Variants in PLPPR5 observed in about 807,000 individuals in gnomAD.
PLPPR5 encodes the protein phospholipid phosphatase-related protein type 5.
In PLPPR5, 16 loss-of-function variants were observed where a neutral mutation model predicts 33.9. The observed-to-expected ratio is 0.47, with a 90% CI of 0.32 to 0.72. The LOEUF is 0.72. PLPPR5 is among the 30% of genes least tolerant of loss of function. The pLI is 0.03. For synonymous variants in PLPPR5, 163 were observed against 150.3 expected, an observed-to-expected ratio of 1.08 and a Z score of -0.62; for missense variants, 301 against 406.7, an observed-to-expected ratio of 0.74 and a Z score of 2.23.
chr1:98,900,351 T>A (rs1648651863), intron 5 of PLPPR5, among the ~76,000 whole-genome samples: 1 of 152,036 alleles, frequency 6.6e-6, no homozygotes, highest in African/African-American at 2.4e-5. Flanking sequence ...GTCCTGAAGA[T>A]CTCCCCTAAG....
At chr1:98,990,540 T>C (rs1202805191) in intron 1 of PLPPR5, among the ~76,000 whole-genome samples, 1 of 152,198 alleles carries the variant, frequency 6.6e-6, no homozygotes, top group Non-Finnish European at 1.5e-5. Flanking sequence ...ATGTTAAAGA[T>C]TTTTAAAACA....
Position 98,892,852 on chromosome 1 carries a change from T to C in PLPPR5, c.*220A>G, listed in dbSNP as rs1436565106. On this transcript the variant is annotated 3_prime_UTR_variant, in exon 6 of 6. Coordinates refer to ENST00000263177, the MANE Select transcript of PLPPR5 (RefSeq NM_001037317.2). ...TGAACACCTACTTTGTGCTAGGCTTTGTTGTAAGTGCTGGGGACACAGAAA... is the reference window on the plus strand; with the variant it reads ...TGAACACCTACTTTGTGCTAGGCTTCGTTGTAAGTGCTGGGGACACAGAAA... 2.1e-6 allele frequency: 1 copy of C among 472,874 alleles called. No individual in the cohort carries two copies. The highest frequency in any genetic ancestry group is 3.5e-5 in the South Asian group (1 of 28,274). 29.3% of individuals were successfully genotyped at this position (472,874 alleles called of 1,614,324 possible). A position where few individuals can be genotyped will look rare whatever the true frequency, so the allele number is the denominator to read the frequency against.
intron 5 of PLPPR5, among the ~76,000 whole-genome samples, chr1:98,912,967 GCTATTCTGGAATTCCTATAGTAA>G (rs1649208183): frequency 6.6e-6 from 1 of 151,994 alleles, no homozygotes; most frequent in Non-Finnish European, 1.5e-5. Flanking sequence ...TAATTATTTA[GCTATTCTGGAATTCCTATAGTAA>G]AAGGAAATTT....
chr1:98,932,122 T>A (rs1649998561), intron 3 of PLPPR5, among the ~76,000 whole-genome samples: 1 of 152,200 alleles, frequency 6.6e-6, no homozygotes, highest in South Asian at 2.1e-4. Flanking sequence ...GCAGGAAATC[T>A]ATAGTTCCAC....
intron 4 of PLPPR5, among the ~76,000 whole-genome samples, chr1:98,919,441 C>T (rs1448638966): frequency 2.0e-5 from 3 of 152,138 alleles, no homozygotes; most frequent in African/African-American, 7.2e-5. Flanking sequence ...GCACACACTG[C>T]AAGATAATTA....
intron 5 of PLPPR5, among the ~76,000 whole-genome samples, chr1:98,905,744 T>C (rs1015289885): frequency 4.6e-5 from 7 of 152,322 alleles, no homozygotes; most frequent in African/African-American, 1.7e-4. Context: ...AATTCATTCA[T>C]ATCCTAATTT....
chr1:98,924,967 T>C (rs1175697791), intron 3 of PLPPR5, among the ~76,000 whole-genome samples: 1 of 152,184 alleles, frequency 6.6e-6, no homozygotes, highest in Admixed American at 6.5e-5. Context: ...ATGCACAAAT[T>C]TTTCTGCAGA....
chr1:98,933,197 A>ATTT (rs1557674461), intron 3 of PLPPR5, among the ~76,000 whole-genome samples: 1 of 151,476 alleles, frequency 6.6e-6, no homozygotes. Flanking sequence ...GCTTTTTAAA[A>ATTT]AAAAAAAAAA....
At chr1:98,917,281 T>C (rs937021311) in intron 4 of PLPPR5, among the ~76,000 whole-genome samples, 4 of 152,212 alleles carry the variant, frequency 2.6e-5, no homozygotes, top group African/African-American at 9.7e-5. Context: ...TACCTAAATA[T>C]CTTGATTTCT....
intron 1 of PLPPR5, among the ~76,000 whole-genome samples, chr1:98,999,206 T>G (rs1652737989): frequency 6.6e-6 from 1 of 152,190 alleles, no homozygotes; most frequent in African/African-American, 2.4e-5. Context: ...GTTTCCTGAT[T>G]AATCAACACA....
At chr1:98,967,487 C>G (rs1324748956) in intron 1 of PLPPR5, among the ~76,000 whole-genome samples, 1 of 152,124 alleles carries the variant, frequency 6.6e-6, no homozygotes, top group Non-Finnish European at 1.5e-5. Context: ...TAAGTGATAA[C>G]TGACAACTGA....
intron 3 of PLPPR5, among the ~76,000 whole-genome samples, chr1:98,934,462 A>G (rs1300642387): frequency 6.6e-6 from 1 of 152,150 alleles, no homozygotes; most frequent in African/African-American, 2.4e-5. Flanking sequence ...AGTGTACAGA[A>G]TACATTCATT....
At chr1:98,894,193 G>A (rs1219132057) in intron 5 of PLPPR5, among the ~76,000 whole-genome samples, 1 of 151,984 alleles carries the variant, frequency 6.6e-6, no homozygotes, top group African/African-American at 2.4e-5. Flanking sequence ...AGTGAGCAGA[G>A]CATGCTGAGT....
At chr1:98,914,143 A>C (rs894952755) in intron 5 of PLPPR5, among the ~76,000 whole-genome samples, 7 of 152,204 alleles carry the variant, frequency 4.6e-5, no homozygotes, top group African/African-American at 1.7e-4. Flanking sequence ...TTTTGTAAAA[A>C]ATGCATATAT....
intron 5 of PLPPR5, among the ~76,000 whole-genome samples, chr1:98,911,246 G>T (rs558098696): frequency 6.6e-6 from 1 of 152,320 alleles, no homozygotes; most frequent in African/African-American, 2.4e-5. Flanking sequence ...GCTCAGCAGG[G>T]TGTGGTGCCA....
chr1:98,935,202 C>G (rs990983612), intron 3 of PLPPR5, among the ~76,000 whole-genome samples: 2 of 152,172 alleles, frequency 1.3e-5, no homozygotes, highest in African/African-American at 4.8e-5. Flanking sequence ...AAGCCAAGTG[C>G]TGGAGACAGG....
At chr1:98,951,884 A>G (rs1650797674) in intron 3 of PLPPR5, among the ~76,000 whole-genome samples, 2 of 152,164 alleles carry the variant, frequency 1.3e-5, no homozygotes, top group East Asian at 1.9e-4. Flanking sequence ...TGGTCCTGAG[A>G]TTTTACAGAT....
intron 5 of PLPPR5, among the ~76,000 whole-genome samples, chr1:98,902,324 C>A (rs1437287872): frequency 1.3e-5 from 2 of 150,648 alleles, no homozygotes; most frequent in East Asian, 3.9e-4. Context: ...GTGTTCAACA[C>A]AAACTCATAC....
In PLPPR5 at chr1:98,910,987, T is replaced by C. The variant is rs112947049; in HGVS notation, c.933+3799A>G. Among the ~76,000 whole-genome samples the C allele has an allele frequency of 6.7e-3, 1,024 of 152,192 alleles. 12 individuals are homozygous for C. The highest frequency in any genetic ancestry group is 0.024 in the African/African-American group (984 of 41,530). On this transcript the variant is annotated intron_variant, in intron 5 of 5. Transcript: ENST00000263177. ...CTGTGTATTTATCCCAAATGCTCCT[T>C]ATCACACACACAAAGAGAAAGCTAT...
Sources: gnomAD v4.1 joint callset for allele counts (sites outside exome capture counted in the v4.1 genomes callset) on GRCh38, gnomAD v4.1.1 for gene constraint, MANE v1.5 for transcripts, NCBI Gene and HGNC (gene_info 2026-07-23, HGNC 2026-07-21) for gene names.